The following SORL1 variants were observed in gnomAD, a reference collection of about 807,000 sequenced individuals.
The protein encoded by SORL1 is sortilin-related receptor.
A neutral mutation model predicts 273.7 loss-of-function variants in SORL1; 127 were observed. The observed-to-expected ratio is 0.46, with a 90% CI of 0.40 to 0.54. SORL1 has a LOEUF of 0.54. SORL1 is among the 20% of genes least tolerant of loss of function. SORL1 has a pLI of 0.00. For synonymous variants in SORL1, 1,031 were observed against 1,067.4 expected (o/e 0.97, Z 0.66); for missense variants, 2,494 against 2,846.1 (o/e 0.88, Z 2.81).
chr11:121,470,148 A>G (rs772676860), intron 2 of SORL1, 25 bp downstream of exon 2: 2 of 1,502,308 alleles, frequency 1.3e-6, no homozygotes, highest in South Asian at 1.1e-5. Flanking sequence ...GGCTCTGGGC[A>G]CACCTTGGTG....
intron 4 of SORL1, 28 bp from the exon 5 acceptor site, chr11:121,490,015 C>G: frequency 6.3e-7 from 1 of 1,582,204 alleles, no homozygotes. Context: ...ATACATGCCT[C>G]TTGCATCATG....
chr11:121,509,207 T>G (rs1438385104), intron 6 of SORL1, among the ~76,000 whole-genome samples: 1 of 152,046 alleles, frequency 6.6e-6, no homozygotes, highest in Non-Finnish European at 1.5e-5. Context: ...GACCCATGGC[T>G]CTGGTGCTTC....
At chr11:121,526,452 G>A (rs183472685) in intron 11 of SORL1, among the ~76,000 whole-genome samples, 18 of 152,208 alleles carry the variant, frequency 1.2e-4, no homozygotes, top group South Asian at 4.1e-4. Flanking sequence ...TAGGTCGTTC[G>A]TATTTCCTGA....
chr11:121,474,880 T>G (rs908913642), intron 2 of SORL1, among the ~76,000 whole-genome samples: 1 of 152,242 alleles, frequency 6.6e-6, no homozygotes, highest in Non-Finnish European at 1.5e-5. Flanking sequence ...CTGTTCAATG[T>G]GGGGGAAGAT....
At chr11:121,593,533 C>G (rs966438136) in intron 31 of SORL1, among the ~76,000 whole-genome samples, 3 of 152,214 alleles carry the variant, frequency 2.0e-5, no homozygotes, top group African/African-American at 7.2e-5. Context: ...CAGGGACTTT[C>G]ACTGCCTCCT....
chr11:121,545,534 A>C (rs950414887), intron 14 of SORL1, 105 bp downstream of exon 14: 1 of 1,005,544 alleles, frequency 9.9e-7, no homozygotes, highest in East Asian at 2.6e-5. Flanking sequence ...AAGGAAGGGA[A>C]TAGAAGGAAA....
intron 13 of SORL1, among the ~76,000 whole-genome samples, chr11:121,544,147 A>C (rs1862388895): frequency 6.6e-6 from 1 of 152,086 alleles, no homozygotes; most frequent in Non-Finnish European, 1.5e-5. Flanking sequence ...GCTAATCTAG[A>C]TACAGGATGC....
intron 21 of SORL1, among the ~76,000 whole-genome samples, chr11:121,561,644 G>A (rs931251176): frequency 1.7e-4 from 25 of 146,826 alleles, no homozygotes; most frequent in Non-Finnish European, 3.4e-4. Context: ...AGCCAAGGTC[G>A]TGCTGCTGCA....
At chr11:121,535,736 A>G (rs1269112084) in intron 12 of SORL1, among the ~76,000 whole-genome samples, 2 of 151,608 alleles carry the variant, frequency 1.3e-5, no homozygotes, top group East Asian at 3.9e-4. Context: ...ATTAGCACAG[A>G]TATCTAGGAG....
intron 3 of SORL1, among the ~76,000 whole-genome samples, chr11:121,484,704 A>T (rs1419161237): frequency 6.6e-6 from 1 of 152,072 alleles, no homozygotes; most frequent in Non-Finnish European, 1.5e-5. Flanking sequence ...ACAAAAATGG[A>T]ATCTCTGTAA....
At chr11:121,476,495 C>T (rs1334485377) in intron 2 of SORL1, among the ~76,000 whole-genome samples, 1 of 152,202 alleles carries the variant, frequency 6.6e-6, no homozygotes, top group African/African-American at 2.4e-5. Flanking sequence ...CTTGTGTTTA[C>T]ATAGGGCATT....
intron 43 of SORL1, 53 bp from the exon 44 acceptor site, chr11:121,621,011 G>A: frequency 7.4e-7 from 1 of 1,353,080 alleles, no homozygotes. Flanking sequence ...ACTACAAAGA[G>A]TGAAAAATGT....
Position 121,590,116 on chromosome 11 carries a change from A to T in SORL1, c.4155A>T (p.Arg1385Ser). The change falls in exon 30 of 48, where the codon AGA becomes AGT. Residue 1385 changes from arginine to serine, a missense_variant. Around this residue, in one of 3 missense-constraint regions of SORL1, gnomAD observed 1,609 missense variants for 1,816.4 expected, o/e 0.89. Coordinates refer to ENST00000260197, the MANE Select transcript of SORL1 (RefSeq NM_003105.6). Reference sequence around the variant, plus strand: ...AGAATGGCCACTGCATCCCCAACAGATGGAAATGTGACAGGGAGAACGACT... The same window carrying T: ...AGAATGGCCACTGCATCCCCAACAGTTGGAAATGTGACAGGGAGAACGACT... ...RCENGHCIPNRWKCDRENDCG... is the reference protein window; with the variant it reads ...RCENGHCIPNSWKCDRENDCG... The T allele has an allele frequency of 6.2e-7, 1 of 1,614,134 alleles. No homozygotes were observed.
chr11:121,574,674 A>C (rs1862900700), intron 24 of SORL1, among the ~76,000 whole-genome samples: 1 of 152,126 alleles, frequency 6.6e-6, no homozygotes, highest in African/African-American at 2.4e-5. Flanking sequence ...CTCCAGCAGA[A>C]CTGAATCCTC....
intron 3 of SORL1, 127 bp from the exon 4 acceptor site, chr11:121,487,893 CCTGTAAGGCTGT>C: frequency 1.3e-6 from 1 of 765,680 alleles, no homozygotes; most frequent in Non-Finnish European, 2.2e-6. Flanking sequence ...TTGTGGAAGC[CCTGTAAGGCTGT>C]GGTGCCTTGT....
At position 121,574,383 on chromosome 11, in the gene SORL1, T is replaced by C. The variant is rs766835573; in HGVS notation, c.3460+20T>C. 1.2e-5 allele frequency: 20 copies of C among 1,610,112 alleles called. No homozygotes were observed. Among genetic ancestry groups the C allele is most frequent in the Admixed American group, 1.7e-5 (1 of 59,940 alleles). ...ATTGTGGTAAGGGGACATCACATCC[T>C]GAAACCCTGCTCTGGAGAGGGGGGT... On this transcript the variant is annotated intron_variant, in intron 24 of 47. Transcript: ENST00000260197.
At chr11:121,498,211 A>G (rs983865129) in intron 6 of SORL1, among the ~76,000 whole-genome samples, 1 of 152,202 alleles carries the variant, frequency 6.6e-6, no homozygotes, top group Non-Finnish European at 1.5e-5. Flanking sequence ...TCTTAAACAC[A>G]CATGCACAAA....
Position 121,489,363 on chromosome 11 carries a change from C to T in SORL1, c.691-680C>T, listed in dbSNP as rs114131773. ...CACTTTTCATCTTGCAAGACTGAAA[C>T]GCTACACCCATGAAATAATACCTCT... On this transcript the variant is annotated intron_variant, in intron 4 of 47. Transcript: ENST00000260197. Among the ~76,000 whole-genome samples the T allele has an allele frequency of 5.6e-3, 851 of 152,272 alleles. 5 individuals carry two copies. The highest frequency in any genetic ancestry group is 0.019 in the African/African-American group (783 of 41,536).
intron 13 of SORL1, 125 bp from the exon 14 acceptor site, chr11:121,545,118 G>C: frequency 1.3e-6 from 1 of 794,154 alleles, no homozygotes; most frequent in South Asian, 1.7e-5. Context: ...TGGAGGGTCT[G>C]TGTGCTTGCG....
Sources: gnomAD v4.1 joint callset for allele counts (sites outside exome capture counted in the v4.1 genomes callset) on GRCh38, gnomAD v4.1.1 for gene constraint, gnomAD v4.1.1 regional missense constraint, MANE v1.5 for transcripts, NCBI Gene and HGNC (gene_info 2026-07-23, HGNC 2026-07-21) for gene names.